The following KBTBD11 variants were observed in gnomAD, a reference collection of about 807,000 sequenced individuals.
KBTBD11 encodes kelch repeat and BTB domain containing 11.
For missense variants in KBTBD11, 1,390 were observed against 1,001.8 expected, an observed-to-expected ratio of 1.39 and a Z score of -5.23; for synonymous variants, 747 against 499.0, an observed-to-expected ratio of 1.50 and a Z score of -6.63.
At chr8:1,981,119 G>A (rs1029936805) in intron 1 of KBTBD11, among the ~76,000 whole-genome samples, 3 of 152,198 alleles carry the variant, frequency 2.0e-5, no homozygotes, top group African/African-American at 7.2e-5. Flanking sequence ...CAGGCCAAGA[G>A]AGAGTAGGGT....
intron 1 of KBTBD11, among the ~76,000 whole-genome samples, chr8:1,990,389 G>T (rs1217663339): frequency 6.8e-6 from 1 of 146,132 alleles, no homozygotes; most frequent in African/African-American, 2.5e-5. Context: ...GGGCCTTGGC[G>T]CCCTGTCCGG....
intron 1 of KBTBD11, among the ~76,000 whole-genome samples, chr8:1,998,374 T>C (rs747309748): frequency 1.3e-5 from 2 of 152,294 alleles, no homozygotes; most frequent in East Asian, 1.9e-4. Context: ...ATTGTAGTTA[T>C]AACAAAATGT....
Position 2,002,145 on chromosome 8 carries a change from ACGCGGACGCGCG to A in KBTBD11, c.956_967del (p.Ala319_Arg322del), listed in dbSNP as rs1172483351. On this transcript the variant is annotated inframe_deletion, in exon 2 of 2. Transcript: ENST00000320248. This position sits in a 1 kb window ranked among gnomAD's most constrained non-coding sequence, Gnocchi z 4.1. ...AGCCGGCCTCAGAGCCCCTCGGGGG[ACGCGGACGCGCG>A]CGGGGACGCGGCCGTCTACTGCTTC... 1.1e-4 allele frequency: 125 copies of A among 1,172,856 alleles called. No homozygotes were observed. The highest frequency in any genetic ancestry group is 1.2e-4 in the Non-Finnish European group (115 of 953,464). The allele number at this position is 1,172,856 out of a possible 1,614,324, so 72.7% of individuals were successfully genotyped here.
In KBTBD11 at chr8:2,001,786, C is replaced by T. The variant is rs1817374082; in HGVS notation, c.594C>T (p.Gly198=). Reference sequence around the variant, plus strand: ...ACGCCTACAGCGGGCGCATGGCGGGCGTGCGGCCCGACAACGTGGCCGAGG... The same window carrying T: ...ACGCCTACAGCGGGCGCATGGCGGGTGTGCGGCCCGACAACGTGGCCGAGG... ...LADAYSGRMA[G]VRPDNVAEVV... is the part of the protein sequence containing the mutation. The change falls in exon 2 of 2, where the codon GGC becomes GGT. Residue 198 remains glycine, a synonymous_variant. Coordinates refer to ENST00000320248, the MANE Select transcript of KBTBD11 (RefSeq NM_014867.3). 2 of 1,261,722 alleles carry T rather than the reference C, an allele frequency of 1.6e-6. No individual in the cohort carries two copies. The highest frequency in any genetic ancestry group is 2.0e-6 in the Non-Finnish European group (2 of 1,007,108). The allele number at this position is 1,261,722 out of a possible 1,614,324, so 78.2% of individuals were successfully genotyped here. A position where few individuals can be genotyped will look rare whatever the true frequency, so the allele number is the denominator to read the frequency against.
chr8:1,985,865 A>T (rs912075233), intron 1 of KBTBD11, among the ~76,000 whole-genome samples: 1 of 152,228 alleles, frequency 6.6e-6, no homozygotes, highest in East Asian at 1.9e-4. Context: ...AGACGTTAAA[A>T]GAGTTTGTAA....
Position 2,002,411 on chromosome 8 carries a change from C to A in KBTBD11, c.1219C>A (p.Leu407Met). 1 of 1,483,554 alleles carries A rather than the reference C, an allele frequency of 6.7e-7. No homozygotes were observed. Among genetic ancestry groups the A allele is most frequent in the Non-Finnish European group, 8.9e-7 (1 of 1,123,430 alleles). The allele number at this position is 1,483,554 out of a possible 1,614,324, so 91.9% of individuals were successfully genotyped here. Residue 407 changes from leucine to methionine, a missense_variant, in exon 2 of 2, where the codon CTG becomes ATG. By Grantham distance (15) the Leu-to-Met change is conservative. Transcript: ENST00000320248. This position sits in a 1 kb window ranked among gnomAD's most constrained non-coding sequence, Gnocchi z 4.1. ...GCGCCAGGCGCGCTCGCAGCTGCGGCTGCTGGCCCTGGACGGTCACCTCTA... is the reference window on the plus strand; with the variant it reads ...GCGCCAGGCGCGCTCGCAGCTGCGGATGCTGGCCCTGGACGGTCACCTCTA... ...PLRQARSQLR[L>M]LALDGHLYAV...
At chr8:1,997,175 A>G (rs1378490688) in intron 1 of KBTBD11, among the ~76,000 whole-genome samples, 1 of 152,088 alleles carries the variant, frequency 6.6e-6, no homozygotes, top group Non-Finnish European at 1.5e-5. Context: ...TCACAGTAAC[A>G]AGGATGGACG....
intron 1 of KBTBD11, chr8:1,974,731 G>A (rs1224598477): frequency 1.5e-5 from 15 of 983,376 alleles, no homozygotes; most frequent in South Asian, 1.4e-4. Flanking sequence ...CTCAGGCGGG[G>A]CTCATTCTGG....
chr8:1,987,032 A>C (rs1159921786), intron 1 of KBTBD11, among the ~76,000 whole-genome samples: 1 of 149,690 alleles, frequency 6.7e-6, no homozygotes, highest in Non-Finnish European at 1.5e-5. Context: ...AAAAAAAAAA[A>C]ACCACGCACA....
intron 1 of KBTBD11, among the ~76,000 whole-genome samples, chr8:1,995,319 A>G (rs1817097690): frequency 6.6e-6 from 1 of 152,020 alleles, no homozygotes; most frequent in South Asian, 2.1e-4. Context: ...AGACACTAAG[A>G]GCAGAAGCCA....
At chr8:1,997,412 A>T (rs1439761678) in intron 1 of KBTBD11, among the ~76,000 whole-genome samples, 2 of 152,130 alleles carry the variant, frequency 1.3e-5, no homozygotes, top group African/African-American at 4.8e-5. Flanking sequence ...GAAAAAAAAA[A>T]AAAAGTCTTA....
intron 1 of KBTBD11, among the ~76,000 whole-genome samples, chr8:1,987,927 C>G (rs887041487): frequency 1.3e-5 from 2 of 152,138 alleles, no homozygotes; most frequent in African/African-American, 4.8e-5. Flanking sequence ...GTTCCCCGCC[C>G]TGTTTCCAAG....
intron 1 of KBTBD11, among the ~76,000 whole-genome samples, chr8:1,999,167 GAC>G (rs778236349): frequency 6.6e-6 from 1 of 152,204 alleles, no homozygotes; most frequent in Non-Finnish European, 1.5e-5. Context: ...GAGAGAGAGA[GAC>G]AGGGAGAGTC....
At chr8:1,986,125 C>A (rs917192725) in intron 1 of KBTBD11, among the ~76,000 whole-genome samples, 8 of 152,206 alleles carry the variant, frequency 5.3e-5, no homozygotes, top group African/African-American at 1.9e-4. Context: ...CTTCCCTTTG[C>A]ACTCAGTCAC....
rs1817483769 is a variant in KBTBD11 at position 2,003,647 on chromosome 8, A to G, written c.*583A>G. 1 of 167,088 alleles carries G rather than the reference A, an allele frequency of 6.0e-6. No homozygotes were observed. Among genetic ancestry groups the G allele is most frequent in the African/African-American group, 2.4e-5 (1 of 41,462 alleles). The allele number at this position is 167,088 out of a possible 1,614,324, so 10.4% of individuals were successfully genotyped here. ...ATTAAAGGTAAAATCTTTGATTACCAGTAAGGTTTCTTGTTCAATATGCAT... is the reference window on the plus strand; with the variant it reads ...ATTAAAGGTAAAATCTTTGATTACCGGTAAGGTTTCTTGTTCAATATGCAT... On this transcript the variant is annotated 3_prime_UTR_variant, in exon 2 of 2. Transcript: ENST00000320248.
intron 1 of KBTBD11, among the ~76,000 whole-genome samples, chr8:1,977,257 A>G (rs1563360747): frequency 6.6e-6 from 1 of 152,202 alleles, no homozygotes; most frequent in Non-Finnish European, 1.5e-5. Context: ...CCCGAGTCCT[A>G]AAGTGAAATC....
rs1174777369 is a variant in KBTBD11 at position 2,000,747 on chromosome 8, C to T, written c.-446C>T. 1.3e-5 allele frequency: 2 copies of T among 157,954 alleles called. No homozygotes were observed. Among genetic ancestry groups the T allele is most frequent in the East Asian group, 1.8e-4 (1 of 5,570 alleles). The allele number at this position is 157,954 out of a possible 1,614,324, so 9.8% of individuals were successfully genotyped here. On this transcript the variant is annotated 5_prime_UTR_variant, in exon 2 of 2. Coordinates refer to ENST00000320248, the MANE Select transcript of KBTBD11 (RefSeq NM_014867.3). ...GGTTATCTGGTACTGCAGAGAGACA[C>T]CTAGTCAGCCAGCGTTGCAAAGAGG...
chr8:1,996,432 G>A (rs1419652862), intron 1 of KBTBD11, among the ~76,000 whole-genome samples: 1 of 152,100 alleles, frequency 6.6e-6, no homozygotes, highest in Non-Finnish European at 1.5e-5. Context: ...AAGCCCGGCT[G>A]ATTTTGTATT....
chr8:2,001,622 C>G lies in KBTBD11; in HGVS notation c.430C>G (p.Leu144Val). ...GGTGTACGGGGAGCCGGACCTGGTG[C>G]TGGAGGTGTCGGGGCGCCGGCTGCG... ...GAVYGEPDLV[L>V]EVSGRRLRAH... is the part of the protein sequence containing the mutation. Residue 144 changes from leucine (L) to valine (V), a missense_variant, in exon 2 of 2, where the codon CTG (leucine) becomes GTG (valine). Transcript: ENST00000320248. The G allele has an allele frequency of 1.4e-6, 2 of 1,480,402 alleles. No individual in the cohort carries two copies. The highest frequency in any genetic ancestry group is 1.8e-6 in the Non-Finnish European group (2 of 1,121,080). The allele number at this position is 1,480,402 out of a possible 1,614,324, so 91.7% of individuals were successfully genotyped here.
Sources: gnomAD v4.1 joint callset for allele counts (sites outside exome capture counted in the v4.1 genomes callset) on GRCh38, gnomAD v4.1.1 for gene constraint, Gnocchi (gnomAD v3.1) non-coding constraint, MANE v1.5 for transcripts, NCBI Gene and HGNC (gene_info 2026-07-23, HGNC 2026-07-21) for gene names.